ASB10: variants seen among roughly 807,000 people sequenced by gnomAD.
ASB10 encodes the protein ankyrin repeat and SOCS box containing 10, also known as ankyrin repeat and SOCS box protein 10.
Under a neutral mutation model 35.4 loss-of-function variants are expected in ASB10, and 44 were observed. The observed-to-expected ratio is 1.24, with a 90% confidence interval of 0.98 to 1.60. The LOEUF (loss-of-function observed/expected upper bound fraction) is 1.60. ASB10 is among the 40% of genes most tolerant of loss of function. ASB10 has a pLI of 0.00. For synonymous variants in ASB10, 294 were observed against 280.4 expected (o/e 1.05, Z -0.49); for missense variants, 647 against 634.3 (o/e 1.02, Z -0.22).
rs1171641911 is a variant in ASB10, at chr7:151,181,103, G to T, written c.940C>A (p.Leu314Met). The change falls in exon 3 of 6, where the codon CTG becomes ATG. Residue 314 changes from leucine to methionine, a missense_variant. By Grantham distance (15) the Leu-to-Met change is conservative. Coordinates refer to ENST00000420175, the MANE Select transcript of ASB10 (RefSeq NM_001142459.2). ...RGHAAVVELL[L>M]SCGVSANTMD... ...GTGTTGGCGCTGACACCACAGGACAGGAGCAGCTCCACGACAGCTGCATGG... is the reference window on the plus strand; with the variant it reads ...GTGTTGGCGCTGACACCACAGGACATGAGCAGCTCCACGACAGCTGCATGG... 1 of 1,612,410 alleles carries T rather than the reference G, an allele frequency of 6.2e-7. No individual in the cohort carries two copies. The highest frequency in any genetic ancestry group is 1.7e-5 in the Admixed American group (1 of 60,018).
rs775187150 is a variant in ASB10, at chr7:151,187,084, G to A, written c.47C>T (p.Pro16Leu). ...SPEECKGQGE[P>L]LDDRHPLCAR... ...ACAGAGGGGGTGTCTGTCATCGAGGGGCTCTCCCTGCCCCTTGCACTCTTC... is the reference window on the plus strand; with the variant it reads ...ACAGAGGGGGTGTCTGTCATCGAGGAGCTCTCCCTGCCCCTTGCACTCTTC... Residue 16 changes from proline to leucine, a missense_variant, in exon 1 of 6, where the codon CCC (proline) becomes CTC (leucine). By Grantham distance (98) the Pro-to-Leu change is moderately conservative (BLOSUM62 -3). Coordinates refer to ENST00000420175, the MANE Select transcript of ASB10 (RefSeq NM_001142459.2). The surrounding 1 kb of genome is among the most constrained non-coding windows in gnomAD (Gnocchi z 5.3). The A allele has an allele frequency of 4.2e-5, 68 of 1,604,614 alleles. No homozygotes were observed. In the South Asian group the frequency reaches 7.2e-4, roughly 17 times the overall value.
chr7:151,176,039 C>A, intron 5 of ASB10, 73 bp from the exon 6 acceptor site: 1 of 1,545,164 alleles, frequency 6.5e-7, no homozygotes, highest in Non-Finnish European at 8.8e-7. Flanking sequence ...GGGCCCTCCC[C>A]AACCCTTCTC....
At position 151,186,454 on chromosome 7, in the gene ASB10, G is replaced by A. The variant is rs764405229; in HGVS notation, c.522C>T (p.Pro174=). 3 of 1,592,920 alleles carry A rather than the reference G, an allele frequency of 1.9e-6. No homozygotes were observed. The highest frequency in any genetic ancestry group is 2.6e-6 in the Non-Finnish European group (3 of 1,170,090). Reference sequence around the variant, plus strand: ...GTTTCCCATCCTGGTCAGCGATGTTGGGGTCGGCTCCTGCCACCAGCAGCA... The same window carrying A: ...GTTTCCCATCCTGGTCAGCGATGTTAGGGTCGGCTCCTGCCACCAGCAGCA... ...VHVLLVAGAD[P]NIADQDGKRP... The change falls in exon 2 of 6, where the codon CCC becomes CCT. Residue 174 remains proline, a synonymous_variant. Transcript: ENST00000420175.
chr7:151,178,952 G>T (rs1026114156), intron 3 of ASB10, among the ~76,000 whole-genome samples: 1 of 152,042 alleles, frequency 6.6e-6, no homozygotes, highest in Non-Finnish European at 1.5e-5. Flanking sequence ...CAAGTAGCTC[G>T]CTGTGTCTGG....
At chr7:151,178,604 A>C (rs1733492773) in intron 3 of ASB10, among the ~76,000 whole-genome samples, 1 of 152,218 alleles carries the variant, frequency 6.6e-6, no homozygotes, top group African/African-American at 2.4e-5. Flanking sequence ...ACATGTGGCC[A>C]AACACAATTG....
chr7:151,184,924 A>G (rs1801559942), intron 2 of ASB10, among the ~76,000 whole-genome samples: 1 of 151,800 alleles, frequency 6.6e-6, no homozygotes, highest in Admixed American at 6.6e-5. Context: ...CGCGAGGCTG[A>G]GGCAGGAGGA....
chr7:151,185,563 G>A (rs1185198490), intron 2 of ASB10, among the ~76,000 whole-genome samples: 1 of 152,140 alleles, frequency 6.6e-6, no homozygotes, highest in African/African-American at 2.4e-5. Flanking sequence ...AGGCTGATGA[G>A]ATTAACAAGA....
Sources: gnomAD v4.1 joint callset for allele counts (sites outside exome capture counted in the v4.1 genomes callset) on GRCh38, gnomAD v4.1.1 for gene constraint, Gnocchi (gnomAD v3.1) non-coding constraint, MANE v1.5 for transcripts, NCBI Gene and HGNC (gene_info 2026-07-23, HGNC 2026-07-21) for gene names.